PRKCA: variants seen among roughly 807,000 people sequenced by gnomAD.
The protein encoded by PRKCA is protein kinase C alpha type.
PRKCA carries 27 observed loss-of-function variants against 87.0 expected under a neutral mutation model. That is an observed-to-expected ratio of 0.31 (90% confidence interval 0.23 to 0.43). The LOEUF is 0.43. Ranked by LOEUF, PRKCA falls within the 20% of genes least tolerant of loss-of-function variation. The probability of loss-of-function intolerance (pLI) is 1.00; values close to 1 mark genes in which losing one functional copy is unlikely to be tolerated. For missense variants in PRKCA, 518 were observed against 852.3 expected, an observed-to-expected ratio of 0.61 and a Z score of 4.88; for synonymous variants, 329 against 311.1, an observed-to-expected ratio of 1.06 and a Z score of -0.61.
At chr17:66,540,550 A>G (rs538608757) in intron 3 of PRKCA, among the ~76,000 whole-genome samples, 5 of 152,168 alleles carry the variant, frequency 3.3e-5, no homozygotes, top group South Asian at 2.1e-4. Context: ...AGTTAGAAGC[A>G]GCACTCGGAG....
intron 8 of PRKCA, among the ~76,000 whole-genome samples, chr17:66,725,267 CCTGA>C (rs1973716711): frequency 6.6e-6 from 1 of 152,204 alleles, no homozygotes; most frequent in Non-Finnish European, 1.5e-5. Context: ...CACCAGCTCA[CCTGA>C]CTATCAGCTG....
chr17:66,569,460 C>G (rs8068928), intron 3 of PRKCA, among the ~76,000 whole-genome samples: 72,058 of 151,822 alleles, frequency 0.47, 17,742 homozygotes, highest in African/African-American at 0.61. Flanking sequence ...TCCCAGCTAC[C>G]TGGGAGGCTG....
intron 5 of PRKCA, among the ~76,000 whole-genome samples, chr17:66,666,540 T>G (rs1972047179): frequency 6.6e-6 from 1 of 152,194 alleles, no homozygotes; most frequent in Admixed American, 6.5e-5. Flanking sequence ...TCTGCTCTGA[T>G]CCAATATTGA....
intron 8 of PRKCA, among the ~76,000 whole-genome samples, chr17:66,728,848 C>T (rs376811880): frequency 1.3e-5 from 2 of 152,220 alleles, no homozygotes; most frequent in Non-Finnish European, 2.9e-5. Context: ...GGTAGAACTG[C>T]GTGCTACAGT....
intron 5 of PRKCA, among the ~76,000 whole-genome samples, chr17:66,669,027 A>G (rs1972108825): frequency 6.6e-6 from 1 of 152,156 alleles, no homozygotes; most frequent in East Asian, 1.9e-4. Context: ...TGTGGAGCCC[A>G]TGAGTTCAAG....
At position 66,807,309 on chromosome 17, in the gene PRKCA, G is replaced by A. The variant is rs557125832; in HGVS notation, c.*3272G>A. 9.8e-5 allele frequency: 15 copies of A among 152,354 alleles called. No individual in the cohort carries two copies. In the East Asian group the frequency reaches 2.7e-3, roughly 27 times the overall value. The allele number at this position is 152,354 out of a possible 1,614,324, so 9.4% of individuals were successfully genotyped here. On this transcript the variant is annotated 3_prime_UTR_variant, in exon 17 of 17. Coordinates refer to ENST00000413366, the MANE Select transcript of PRKCA (RefSeq NM_002737.3). This position sits in a 1 kb window ranked among gnomAD's most constrained non-coding sequence, Gnocchi z 4.3. ...AAATGGCTCTGCATTATCTTCCCTT[G>A]GAAGGTGGCCACTCCTCGGTGGCAG...
intron 5 of PRKCA, among the ~76,000 whole-genome samples, chr17:66,676,944 A>G (rs1972350165): frequency 6.6e-6 from 1 of 152,158 alleles, no homozygotes; most frequent in African/African-American, 2.4e-5. Flanking sequence ...GAAGGAACCT[A>G]AGGGAAGTAG....
intron 13 of PRKCA, among the ~76,000 whole-genome samples, chr17:66,749,787 G>C (rs1380351079): frequency 6.6e-6 from 1 of 152,126 alleles, no homozygotes; most frequent in Non-Finnish European, 1.5e-5. Flanking sequence ...GACTGAGAGG[G>C]GTGGAACTCT....
At chr17:66,662,241 C>T (rs1343209779) in intron 5 of PRKCA, among the ~76,000 whole-genome samples, 1 of 152,146 alleles carries the variant, frequency 6.6e-6, no homozygotes, top group Non-Finnish European at 1.5e-5. Context: ...TCTCTTCCGT[C>T]CAAACGAAAG....
chr17:66,770,060 T>G (rs1048438950), intron 13 of PRKCA, among the ~76,000 whole-genome samples: 2 of 152,260 alleles, frequency 1.3e-5, no homozygotes, highest in Non-Finnish European at 2.9e-5. Context: ...GGGAATACTT[T>G]ATATTTCCTC....
intron 8 of PRKCA, among the ~76,000 whole-genome samples, chr17:66,718,482 T>A (rs1250035219): frequency 6.6e-6 from 1 of 152,148 alleles, no homozygotes; most frequent in Non-Finnish European, 1.5e-5. Flanking sequence ...CTGGCTAATT[T>A]TTAAAATTAT....
At chr17:66,731,189 A>T (rs1389889199) in intron 8 of PRKCA, among the ~76,000 whole-genome samples, 2 of 151,986 alleles carry the variant, frequency 1.3e-5, no homozygotes, top group Non-Finnish European at 2.9e-5. Flanking sequence ...CATCTCTACT[A>T]AACATACAAA....
rs2286958 is a variant in PRKCA, at chr17:66,689,272, G to C, written c.918+225G>C. 0.61 allele frequency among the ~76,000 whole-genome samples: 92,396 copies of C among 151,970 alleles called. 28,179 individuals are homozygous for C. Among genetic ancestry groups the C allele is most frequent in the African/African-American group, 0.66 (27,330 of 41,440 alleles). On this transcript the variant is annotated intron_variant, in intron 8 of 16. Coordinates refer to ENST00000413366, the MANE Select transcript of PRKCA (RefSeq NM_002737.3). This position sits in a 1 kb window ranked among gnomAD's most constrained non-coding sequence, Gnocchi z 4.1. Reference sequence around the variant, plus strand: ...TTAGAAAATGGAAACTGGAAATATCGCAGAACTGAGAGCATGGTTGATTTC... The same window carrying C: ...TTAGAAAATGGAAACTGGAAATATCCCAGAACTGAGAGCATGGTTGATTTC...
intron 5 of PRKCA, among the ~76,000 whole-genome samples, chr17:66,649,000 G>T (rs1466619480): frequency 6.6e-6 from 1 of 151,940 alleles, no homozygotes; most frequent in East Asian, 1.9e-4. Context: ...AGGAGGCTGA[G>T]GCAGGATAAT....
At chr17:66,342,769 A>G (rs1190197878) in intron 2 of PRKCA, among the ~76,000 whole-genome samples, 1 of 152,196 alleles carries the variant, frequency 6.6e-6, no homozygotes, top group Non-Finnish European at 1.5e-5. Flanking sequence ...AGCTTTTTAA[A>G]TATTTTCACC....
intron 8 of PRKCA, among the ~76,000 whole-genome samples, chr17:66,712,797 C>A (rs572771631): frequency 6.6e-6 from 1 of 152,246 alleles, no homozygotes; most frequent in South Asian, 2.1e-4. Flanking sequence ...GCCTCAGTTT[C>A]TCCAAGTCTA....
intron 8 of PRKCA, among the ~76,000 whole-genome samples, chr17:66,694,251 G>A (rs1215878911): frequency 6.6e-6 from 1 of 152,000 alleles, no homozygotes; most frequent in Admixed American, 6.6e-5. Flanking sequence ...TGGGAGGCCA[G>A]GGTGCTGGAT....
chr17:66,399,100 C>CTTTTTT (rs143646957), intron 2 of PRKCA, among the ~76,000 whole-genome samples: 1 of 117,264 alleles, frequency 8.5e-6, no homozygotes, highest in African/African-American at 3.1e-5. Context: ...CTTTTCTTTT[C>CTTTTTT]TTTTTTTTTT....
chr17:66,308,182 G>T (rs1904918674), intron 2 of PRKCA, among the ~76,000 whole-genome samples: 1 of 152,202 alleles, frequency 6.6e-6, no homozygotes, highest in South Asian at 2.1e-4. Flanking sequence ...ATAGCCAGAA[G>T]TGTGTATGTG....
Sources: gnomAD v4.1 joint callset for allele counts (sites outside exome capture counted in the v4.1 genomes callset) on GRCh38, gnomAD v4.1.1 for gene constraint, Gnocchi (gnomAD v3.1) non-coding constraint, MANE v1.5 for transcripts, NCBI Gene and HGNC (gene_info 2026-07-23, HGNC 2026-07-21) for gene names.